The following NPEPL1 variants were observed in gnomAD, a reference collection of about 807,000 sequenced individuals.
NPEPL1 encodes probable aminopeptidase NPEPL1.
In NPEPL1, 45 loss-of-function variants were observed where a neutral mutation model predicts 52.4. The observed-to-expected ratio is 0.86, with a 90% CI of 0.68 to 1.10. The LOEUF (loss-of-function observed/expected upper bound fraction) is 1.10, where lower values mean the gene tolerates loss of function less well. Ranked by LOEUF, NPEPL1 falls within the 50% of genes least tolerant of loss-of-function variation. The pLI, the probability that NPEPL1 is intolerant of heterozygous loss-of-function variation, is 0.00. For missense variants in NPEPL1, 696 were observed against 710.9 expected, an observed-to-expected ratio of 0.98 and a Z score of 0.24; for synonymous variants, 360 against 314.7, an observed-to-expected ratio of 1.14 and a Z score of -1.52.
At chr20:58,692,035 G>C, upstream of NPEPL1, 1 of 593,786 alleles carries the variant, frequency 1.7e-6, no homozygotes, top group Non-Finnish European at 3.0e-6. The surrounding 1 kb of genome is among the most constrained non-coding windows in gnomAD (Gnocchi z 5.7). Context: ...AGGTGACTCA[G>C]GTCACCCTGC....
intron 10 of NPEPL1, 55 bp downstream of exon 10, chr20:58,714,148 G>A (rs1050306816): frequency 6.3e-5 from 94 of 1,501,320 alleles, no homozygotes; most frequent in Middle Eastern, 2.3e-4. Flanking sequence ...CCGGGCAGGC[G>A]GAGCCCTGCC....
intron 6 of NPEPL1, among the ~76,000 whole-genome samples, chr20:58,706,177 G>C (rs1419631686): frequency 6.6e-6 from 1 of 152,170 alleles, no homozygotes; most frequent in African/African-American, 2.4e-5. Context: ...GCAGGAGAAG[G>C]GTGGCCCCTC....
intron 4 of NPEPL1, 146 bp downstream of exon 4, chr20:58,698,919 G>T: frequency 4.1e-6 from 3 of 725,360 alleles, no homozygotes; most frequent in Non-Finnish European, 6.8e-6. Context: ...GCTGCTGTCT[G>T]CCGGGCTCCA....
At chr20:58,704,614 G>A (rs1424083130) in intron 6 of NPEPL1, among the ~76,000 whole-genome samples, 1 of 152,148 alleles carries the variant, frequency 6.6e-6, no homozygotes, top group East Asian at 1.9e-4. Context: ...CACAAATCCT[G>A]TCAGTGTCTG....
In NPEPL1 at chr20:58,693,925, G is replaced by A; in HGVS notation, c.336+3G>A. Reference sequence around the variant, plus strand: ...CCGGAGCGCATCGCTGCATTGTGGTGAGTGCTTCGAGAGGAGGCAGCCACG... The same window carrying A: ...CCGGAGCGCATCGCTGCATTGTGGTAAGTGCTTCGAGAGGAGGCAGCCACG... On this transcript the variant is annotated splice_donor_region_variant and intron_variant, in intron 2 of 11. Transcript: ENST00000356091. 1 of 1,575,586 alleles carries A rather than the reference G, an allele frequency of 6.3e-7. No homozygotes were observed. Among genetic ancestry groups the A allele is most frequent in the Non-Finnish European group, 8.6e-7 (1 of 1,158,148 alleles).
Position 58,715,318 on chromosome 20 carries a change from C to T in NPEPL1, c.1564C>T (p.Leu522Phe). The T allele has an allele frequency of 2.5e-6, 4 of 1,605,966 alleles. No individual in the cohort carries two copies. Among genetic ancestry groups the T allele is most frequent in the Non-Finnish European group, 3.4e-6 (4 of 1,176,024 alleles). ...GGGGAGGGACTCCAAGAGACGCAGG[C>T]TTGTGTGAGCCTCCTGCCTCGGCCC... is the stretch of plus-strand genomic sequence containing the variant. Reference protein sequence around the residue: ...DLGRDSKRRRLV With the variant: ...DLGRDSKRRRFV Residue 522 changes from leucine to phenylalanine, a missense_variant, in exon 12 of 12, where the codon CTT (leucine) becomes TTT (phenylalanine). Leu to Phe is a conservative substitution (Grantham distance 22). Coordinates refer to ENST00000356091, the MANE Select transcript of NPEPL1 (RefSeq NM_024663.4).
chr20:58,689,878 C>G (rs2084319068), upstream of NPEPL1, among the ~76,000 whole-genome samples: 2 of 152,224 alleles, frequency 1.3e-5, no homozygotes, highest in African/African-American at 4.8e-5. Context: ...GGTCCTGTAG[C>G]TTTTCAGAAC....
chr20:58,703,266 C>T (rs767084777), intron 6 of NPEPL1, among the ~76,000 whole-genome samples: 22 of 152,316 alleles, frequency 1.4e-4, no homozygotes, highest in Admixed American at 3.9e-4. Context: ...GTGATTAAAA[C>T]GCAACCGTAG....
intron 5 of NPEPL1, 113 bp from the exon 6 acceptor site, chr20:58,700,903 G>A (rs2084600939): frequency 8.8e-7 from 1 of 1,140,784 alleles, no homozygotes; most frequent in East Asian, 3.2e-5. Flanking sequence ...ACCAGGCTCA[G>A]GCAGGCGGCT....
intron 7 of NPEPL1, among the ~76,000 whole-genome samples, chr20:58,709,812 G>A (rs2084800739): frequency 6.6e-6 from 1 of 152,228 alleles, no homozygotes; most frequent in Non-Finnish European, 1.5e-5. Flanking sequence ...GACAAAGCCA[G>A]ACTATGCAGT....
At position 58,713,981 on chromosome 20, in the gene NPEPL1, G is replaced by T. The variant is rs776377944; in HGVS notation, c.1190G>T (p.Cys397Phe). Residue 397 changes from cysteine (C) to phenylalanine (F), a missense_variant, in exon 10 of 12, where the codon TGT becomes TTT. Coordinates refer to ENST00000356091, the MANE Select transcript of NPEPL1 (RefSeq NM_024663.4). The surrounding 1 kb of genome is among the most constrained non-coding windows in gnomAD (Gnocchi z 4.6). ...AACAGCGCTGAGTGGGAGGCCGCCT[G>T]TGTGAAGGCGGGCAGGAAGTGTGGG... ...LTNSAEWEAA[C>F]VKAGRKCGDL... is the part of the protein sequence containing the mutation. 7.9e-6 allele frequency: 12 copies of T among 1,523,602 alleles called. No homozygotes were observed. The Admixed American group carries it at 2.1e-4, about 27-fold the overall frequency. The allele number at this position is 1,523,602 out of a possible 1,614,324, so 94.4% of individuals were successfully genotyped here.
intron 7 of NPEPL1, among the ~76,000 whole-genome samples, chr20:58,709,817 T>G (rs931800419): frequency 6.6e-6 from 1 of 152,178 alleles, no homozygotes; most frequent in Non-Finnish European, 1.5e-5. Flanking sequence ...AGCCAGACTA[T>G]GCAGTCGCCC....
chr20:58,701,187 C>T (rs1231506318), intron 6 of NPEPL1, 29 bp downstream of exon 6: 5 of 1,270,556 alleles, frequency 3.9e-6, no homozygotes, highest in East Asian at 5.5e-5. Flanking sequence ...CTCAGGGTGC[C>T]CTGGGGGAGG....
intron 7 of NPEPL1, among the ~76,000 whole-genome samples, chr20:58,708,607 C>T (rs1002668191): frequency 5.9e-5 from 9 of 152,238 alleles, no homozygotes; most frequent in Non-Finnish European, 5.9e-5. Context: ...CTGTGCGCTA[C>T]TCCTTCACTG....
rs2084423222 is a variant in NPEPL1 at position 58,694,579 on chromosome 20, T to A, written c.494T>A (p.Val165Glu). ...GGACAAGACAACGGGCCGGTGGAGG[T>A]GTCCACATTGCAGGTGGGTGTCTGG... ...LVGQDNGPVE[V>E]STLQCLANAT... Residue 165 changes from valine (V) to glutamate (E), a missense_variant, in exon 3 of 12, where the codon GTG becomes GAG. Physicochemically the swap from Val to Glu is moderately radical, Grantham distance 121 (BLOSUM62 -2). Coordinates refer to ENST00000356091, the MANE Select transcript of NPEPL1 (RefSeq NM_024663.4). 1 of 1,612,190 alleles carries A rather than the reference T, an allele frequency of 6.2e-7. No homozygotes were observed. Among genetic ancestry groups the A allele is most frequent in the Non-Finnish European group, 8.5e-7 (1 of 1,179,184 alleles).
upstream of NPEPL1, chr20:58,692,051 C>T: frequency 1.7e-6 from 1 of 582,648 alleles, no homozygotes; most frequent in Non-Finnish European, 3.0e-6. The surrounding 1 kb of genome is among the most constrained non-coding windows in gnomAD (Gnocchi z 5.7). Context: ...CCTGCTCCTT[C>T]CTCGTCTCAT....
At chr20:58,694,983 ATG>A (rs1181871948) in intron 3 of NPEPL1, among the ~76,000 whole-genome samples, 1 of 14,170 alleles carries the variant, frequency 7.1e-5, no homozygotes, top group Non-Finnish European at 1.7e-4. Context: ...CATGTGTTGT[ATG>A]TGTGGGGGGT....
At chr20:58,689,851 G>A (rs1273583865), upstream of NPEPL1, among the ~76,000 whole-genome samples, 3 of 151,926 alleles carry the variant, frequency 2.0e-5, no homozygotes, top group Non-Finnish European at 4.4e-5. Flanking sequence ...ACGCTATTGC[G>A]TCCCCAAAGC....
chr20:58,693,141 C>A (rs1226733937), intron 1 of NPEPL1, 91 bp downstream of exon 1: 1 of 851,260 alleles, frequency 1.2e-6, no homozygotes, highest in East Asian at 1.2e-4. Context: ...GCCGCACCCC[C>A]GCCGCCGCCG....
Sources: allele counts gnomAD v4.1 joint callset (sites outside exome capture counted in the v4.1 genomes callset), GRCh38; gene constraint gnomAD v4.1.1; non-coding constraint Gnocchi (gnomAD v3.1); transcripts MANE v1.5; gene names NCBI Gene and HGNC (gene_info 2026-07-23, HGNC 2026-07-21).